Variants in TRAPPC9 observed in about 807,000 individuals in gnomAD.
TRAPPC9 encodes the protein IKK2 binding protein.
TRAPPC9 carries 83 observed loss-of-function variants against 124.0 expected under a neutral mutation model. The observed-to-expected ratio is 0.67, with a 90% CI of 0.56 to 0.80. The LOEUF is 0.80. TRAPPC9 is among the 30% of genes least tolerant of loss of function. TRAPPC9 has a pLI of 0.00. For synonymous variants in TRAPPC9, 638 were observed against 617.5 expected, an observed-to-expected ratio of 1.03 and a Z score of -0.49; for missense variants, 1,302 against 1,508.3, an observed-to-expected ratio of 0.86 and a Z score of 2.27.
chr8:140,040,555 T>C (rs1489918586), intron 17 of TRAPPC9: 1 of 152,330 alleles, frequency 6.6e-6, no homozygotes, highest in African/African-American at 2.4e-5. Flanking sequence ...CTAATTTTTT[T>C]GTATTTTCAG....
intron 17 of TRAPPC9, among the ~76,000 whole-genome samples, chr8:140,218,344 G>A (rs1439315832): frequency 6.6e-6 from 1 of 152,068 alleles, no homozygotes; most frequent in Non-Finnish European, 1.5e-5. Context: ...CTAAACCTCT[G>A]CCCAAAAAGC....
chr8:140,129,155 G>A (rs544708382), intron 17 of TRAPPC9, among the ~76,000 whole-genome samples: 1 of 152,158 alleles, frequency 6.6e-6, no homozygotes, highest in East Asian at 1.9e-4. Flanking sequence ...ACTTAAATCT[G>A]TTTCTTTAAC....
chr8:140,280,763 C>A (rs1414318765), intron 14 of TRAPPC9, among the ~76,000 whole-genome samples: 1 of 152,128 alleles, frequency 6.6e-6, no homozygotes, highest in Admixed American at 6.6e-5. Flanking sequence ...ACTTGCAGCA[C>A]CCCAAAGAGA....
intron 21 of TRAPPC9, among the ~76,000 whole-genome samples, chr8:139,736,718 G>C (rs965404800): frequency 1.2e-4 from 19 of 152,240 alleles, no homozygotes; most frequent in African/African-American, 4.1e-4. Context: ...CTTGCAATGA[G>C]AACATGTGAC....
intron 17 of TRAPPC9, among the ~76,000 whole-genome samples, chr8:140,183,622 G>A (rs555512569): frequency 1.8e-4 from 28 of 152,020 alleles, no homozygotes; most frequent in Middle Eastern, 3.4e-3. Context: ...ACTTTGGGAG[G>A]CCAAGGTGGG....
intron 21 of TRAPPC9, chr8:139,881,301 T>C (rs183621175): frequency 1.3e-5 from 2 of 152,326 alleles, no homozygotes; most frequent in African/African-American, 4.8e-5. Flanking sequence ...TTCACTAGTC[T>C]TTTTAGGGAA....
intron 21 of TRAPPC9, among the ~76,000 whole-genome samples, chr8:139,775,732 C>T (rs952867766): frequency 1.3e-5 from 2 of 152,222 alleles, no homozygotes; most frequent in African/African-American, 4.8e-5. Flanking sequence ...CCACTTCCCT[C>T]TTTTCGTGTT....
intron 17 of TRAPPC9, among the ~76,000 whole-genome samples, chr8:140,156,303 A>G (rs1470409575): frequency 6.6e-6 from 1 of 152,220 alleles, no homozygotes; most frequent in Non-Finnish European, 1.5e-5. Flanking sequence ...GACATTCACT[A>G]GTTATGTAAC....
intron 15 of TRAPPC9, among the ~76,000 whole-genome samples, chr8:140,267,090 G>A (rs1441876548): frequency 6.6e-6 from 1 of 152,206 alleles, no homozygotes; most frequent in Non-Finnish European, 1.5e-5. Flanking sequence ...GATGAGAGGA[G>A]AAAACAAAGC....
At chr8:140,083,352 T>A (rs73359162) in intron 17 of TRAPPC9, among the ~76,000 whole-genome samples, 3 of 152,192 alleles carry the variant, frequency 2.0e-5, no homozygotes, top group Admixed American at 6.5e-5. Flanking sequence ...GGGAAAAATA[T>A]TCAGAATATT....
At chr8:139,755,536 T>A (rs1459813875) in intron 21 of TRAPPC9, among the ~76,000 whole-genome samples, 1 of 74,688 alleles carries the variant, frequency 1.3e-5, no homozygotes, top group African/African-American at 7.2e-5. Context: ...AGCCAGGGTT[T>A]GGGGATGAGG....
intron 2 of TRAPPC9, among the ~76,000 whole-genome samples, chr8:140,439,993 T>C (rs940678221): frequency 6.6e-6 from 1 of 152,166 alleles, no homozygotes; most frequent in African/African-American, 2.4e-5. Flanking sequence ...TATTGACACA[T>C]CTCAATACAA....
chr8:140,153,303 G>A (rs545275543), intron 17 of TRAPPC9, among the ~76,000 whole-genome samples: 42 of 152,100 alleles, frequency 2.8e-4, no homozygotes, highest in Admixed American at 1.4e-3. Context: ...CCTAACATAC[G>A]CTGTTACTTC....
intron 17 of TRAPPC9, among the ~76,000 whole-genome samples, chr8:140,125,856 G>C (rs2061086630): frequency 6.6e-6 from 1 of 151,970 alleles, no homozygotes; most frequent in Non-Finnish European, 1.5e-5. Context: ...CATCTCCTTT[G>C]AGCCAAGTGC....
intron 21 of TRAPPC9, among the ~76,000 whole-genome samples, chr8:139,801,018 T>C (rs1214357047): frequency 6.9e-6 from 1 of 144,820 alleles, no homozygotes; most frequent in Non-Finnish European, 1.5e-5. Flanking sequence ...CTCCGGCATC[T>C]TCCCTCCCTC....
intron 15 of TRAPPC9, among the ~76,000 whole-genome samples, chr8:140,256,534 C>T (rs983522582): frequency 2.0e-5 from 3 of 151,788 alleles, no homozygotes; most frequent in Non-Finnish European, 4.4e-5. Context: ...GCAGGACCCC[C>T]GGGCAGGCCC....
intron 16 of TRAPPC9, among the ~76,000 whole-genome samples, chr8:140,238,068 T>A (rs1333992179): frequency 1.3e-5 from 2 of 152,212 alleles, no homozygotes. Flanking sequence ...CTGAAATCCC[T>A]GTCCTGAACA....
chr8:139,991,772 G>A (rs1318731721), intron 18 of TRAPPC9, among the ~76,000 whole-genome samples: 1 of 152,028 alleles, frequency 6.6e-6, no homozygotes, highest in African/African-American at 2.4e-5. Flanking sequence ...CTGTAGTCAG[G>A]TTGAGTGTGG....
At chr8:139,914,432 AG>A (rs1272012235) in intron 19 of TRAPPC9, among the ~76,000 whole-genome samples, 1 of 152,238 alleles carries the variant, frequency 6.6e-6, no homozygotes. Flanking sequence ...GCTGAGGTGT[AG>A]CTGGCAGTGG....
Sources: gnomAD v4.1 joint callset for allele counts (sites outside exome capture counted in the v4.1 genomes callset) on GRCh38, gnomAD v4.1.1 for gene constraint, MANE v1.5 for transcripts, NCBI Gene and HGNC (gene_info 2026-07-23, HGNC 2026-07-21) for gene names.